Variants in ZCCHC8 observed in about 807,000 individuals in gnomAD.
ZCCHC8 encodes the protein zinc finger CCHC domain-containing protein 8.
ZCCHC8 carries 27 observed loss-of-function variants against 70.6 expected under a neutral mutation model. That is an observed-to-expected ratio of 0.38 (90% CI 0.28 to 0.53). The LOEUF is 0.53. Among genes scored for constraint, ZCCHC8 ranks in the 20% least tolerant of loss-of-function variants. The pLI, the probability that ZCCHC8 is intolerant of heterozygous loss-of-function variation, is 0.81. For missense variants in ZCCHC8, 737 were observed against 876.9 expected (o/e 0.84, Z 2.01); for synonymous variants, 293 against 317.4 (o/e 0.92, Z 0.82).
intron 9 of ZCCHC8, 87 bp downstream of exon 9, chr12:122,481,858 A>C: frequency 6.7e-7 from 1 of 1,502,054 alleles, no homozygotes; most frequent in Non-Finnish European, 8.9e-7. Flanking sequence ...GTACACTTAT[A>C]TCCTGATAAT....
At chr12:122,493,786 T>C (rs908516445) in intron 2 of ZCCHC8, among the ~76,000 whole-genome samples, 1 of 152,096 alleles carries the variant, frequency 6.6e-6, no homozygotes, top group African/African-American at 2.4e-5. Flanking sequence ...CTAAGTTTTT[T>C]GTATTTTTAA....
Position 122,494,647 on chromosome 12 carries a change from C to T in ZCCHC8, c.243-1858G>A, listed in dbSNP as rs569873771. ...GAGGCGGGTGGATCACAAGGTCAGG[C>T]GATGGAGACCATCCTGGCTAACACG... On this transcript the variant is annotated intron_variant, in intron 2 of 13. Transcript: ENST00000633063. 7.2e-5 allele frequency among the ~76,000 whole-genome samples: 11 copies of T among 151,820 alleles called. No homozygotes were observed. In the South Asian group the frequency reaches 1.0e-3, roughly 14 times the overall value.
intron 2 of ZCCHC8, 93 bp from the exon 3 acceptor site, chr12:122,492,882 C>CT: frequency 3.4e-6 from 3 of 892,222 alleles, no homozygotes; most frequent in African/African-American, 1.7e-5. Context: ...TTTTTTTTTC[C>CT]TTTTTTGACA....
intron 2 of ZCCHC8, among the ~76,000 whole-genome samples, chr12:122,496,710 GACTGGTCTCCC>G (rs1182177914): frequency 6.6e-6 from 1 of 152,080 alleles, no homozygotes; most frequent in Admixed American, 6.6e-5. Context: ...ATGTTGTCCA[GACTGGTCTCCC>G]ACTTCTGGTC....
intron 2 of ZCCHC8, 82 bp from the exon 3 acceptor site, chr12:122,492,871 CTTTT>C (rs376342503): frequency 1.0e-6 from 1 of 972,724 alleles, no homozygotes; most frequent in African/African-American, 1.7e-5. Flanking sequence ...AACTTTTATA[CTTTT>C]TTTTTCCTTT....
intron 12 of ZCCHC8, 106 bp downstream of exon 12, chr12:122,478,100 G>T: frequency 7.9e-7 from 1 of 1,267,976 alleles, no homozygotes; most frequent in Non-Finnish European, 1.1e-6. Flanking sequence ...TTTCCTTTTG[G>T]TTTGTCAAGA....
Position 122,483,773 on chromosome 12 carries a change from T to C in ZCCHC8, c.502-210A>G, listed in dbSNP as rs1217782342. On this transcript the variant is annotated intron_variant, in intron 5 of 13. Coordinates refer to ENST00000633063, the MANE Select transcript of ZCCHC8 (RefSeq NM_017612.5). This position sits in a 1 kb window ranked among gnomAD's most constrained non-coding sequence, Gnocchi z 4.4. ...CTCTGCTAGATCAGTTTTTCCTCTG[T>C]ATTGGATCATGACTATCAGCTGCAT... 2 of 529,632 alleles carry C rather than the reference T, an allele frequency of 3.8e-6. No homozygotes were observed. Among genetic ancestry groups the C allele is most frequent in the Non-Finnish European group, 6.6e-6 (2 of 300,770 alleles). 32.8% of individuals were successfully genotyped at this position (529,632 alleles called of 1,614,324 possible). A position where few individuals can be genotyped will look rare whatever the true frequency, so the allele number is the denominator to read the frequency against.
intron 13 of ZCCHC8, among the ~76,000 whole-genome samples, chr12:122,477,580 C>T (rs1452543617): frequency 4.7e-5 from 7 of 148,382 alleles, no homozygotes; most frequent in African/African-American, 1.7e-4. Flanking sequence ...GTCAGGAGTT[C>T]GAGACCAGCC....
rs773278485 is a variant in ZCCHC8, at chr12:122,473,778, C to G, written c.1843G>C (p.Ala615Pro). The G allele has an allele frequency of 1.1e-5, 18 of 1,612,992 alleles. No homozygotes were observed. Among genetic ancestry groups the G allele is most frequent in the Non-Finnish European group, 1.3e-5 (15 of 1,179,200 alleles). The change falls in exon 14 of 14, where the codon GCT becomes CCT. Residue 615 changes from alanine to proline, a missense_variant. Coordinates refer to ENST00000633063, the MANE Select transcript of ZCCHC8 (RefSeq NM_017612.5). ...SLCQKEKAEL[A>P]PVNTEGALLD... ...AGGGCACCTTCAGTGTTTACCGGAGCCAACTCTGCTTTTTCCTTCTGACAA... is the reference window on the plus strand; with the variant it reads ...AGGGCACCTTCAGTGTTTACCGGAGGCAACTCTGCTTTTTCCTTCTGACAA...
intron 1 of ZCCHC8, 120 bp from the exon 2 acceptor site, chr12:122,498,989 T>G (rs1957873398): frequency 1.1e-6 from 1 of 930,500 alleles, no homozygotes; most frequent in Admixed American, 2.2e-5. Flanking sequence ...ACGGATATTT[T>G]GAGGATGACA....
chr12:122,485,639 A>G (rs1957619460), intron 5 of ZCCHC8, among the ~76,000 whole-genome samples: 2 of 150,170 alleles, frequency 1.3e-5, no homozygotes, highest in Admixed American at 1.3e-4. Context: ...CTCCTCCTCT[A>G]GTCTTCCCCA....
At chr12:122,494,360 T>C (rs1763578696) in intron 2 of ZCCHC8, among the ~76,000 whole-genome samples, 1 of 150,180 alleles carries the variant, frequency 6.7e-6, no homozygotes, top group African/African-American at 2.5e-5. Flanking sequence ...GAGACCAGCC[T>C]GGCCAACATG....
chr12:122,487,169 G>A (rs1233507587), intron 5 of ZCCHC8, among the ~76,000 whole-genome samples: 1 of 152,100 alleles, frequency 6.6e-6, no homozygotes, highest in Admixed American at 6.6e-5. Context: ...CTACCCCACA[G>A]CTACTCTGCT....
intron 2 of ZCCHC8, among the ~76,000 whole-genome samples, chr12:122,498,420 C>T (rs1957863154): frequency 1.3e-5 from 2 of 152,072 alleles, no homozygotes; most frequent in South Asian, 2.1e-4. Context: ...TGAGCCACTG[C>T]CCCTGGCCCA....
At chr12:122,474,734 CTTT>C (rs1235367292) in intron 13 of ZCCHC8, among the ~76,000 whole-genome samples, 42 of 124,728 alleles carry the variant, frequency 3.4e-4, no homozygotes, top group African/African-American at 1.2e-3. Flanking sequence ...TTTCCTAGCT[CTTT>C]TTTTTTTTTT....
rs1339030887 is a variant in ZCCHC8, at chr12:122,482,653, T to C, written c.714A>G (p.Gln238=). ...HCFNCGSEEH[Q]MKDCPMPRNA... is the part of the protein sequence containing the mutation. ...AATTTACCATTGGGCAATCTTTCAT[T>C]TGGTGTTCTTCAGAACCACAATTGA... The change falls in exon 8 of 14, where the codon CAA becomes CAG. Residue 238 remains glutamine, a synonymous_variant. Transcript: ENST00000633063. The C allele has an allele frequency of 1.9e-6, 3 of 1,606,844 alleles. No individual in the cohort carries two copies. Among genetic ancestry groups the C allele is most frequent in the African/African-American group, 2.7e-5 (2 of 74,968 alleles).
chr12:122,498,358 A>C (rs1957861024), intron 2 of ZCCHC8, among the ~76,000 whole-genome samples: 1 of 151,728 alleles, frequency 6.6e-6, no homozygotes, highest in South Asian at 2.1e-4. Context: ...TCTCGAACTG[A>C]CCTCAGTTGA....
At chr12:122,494,451 C>T (rs1229562100) in intron 2 of ZCCHC8, among the ~76,000 whole-genome samples, 1 of 151,668 alleles carries the variant, frequency 6.6e-6, no homozygotes, top group Non-Finnish European at 1.5e-5. Flanking sequence ...AACTCAGCTA[C>T]TCGGGAGGCT....
chr12:122,499,242 T>C (rs561987900), intron 1 of ZCCHC8: 10 of 249,316 alleles, frequency 4.0e-5, no homozygotes, highest in Non-Finnish European at 7.0e-5. Context: ...AATAAATCTA[T>C]GGATGTCCAC....
Sources: allele counts gnomAD v4.1 joint callset (sites outside exome capture counted in the v4.1 genomes callset), GRCh38; gene constraint gnomAD v4.1.1; non-coding constraint Gnocchi (gnomAD v3.1); transcripts MANE v1.5; gene names NCBI Gene and HGNC (gene_info 2026-07-23, HGNC 2026-07-21).